Variants in GPC6 observed in about 807,000 individuals in gnomAD.
GPC6 encodes the protein glypican 6.
In GPC6, 14 loss-of-function variants were observed where a neutral mutation model predicts 55.2. That is an observed-to-expected ratio of 0.25 (90% CI 0.17 to 0.40). The LOEUF is 0.40. Among genes scored for constraint, GPC6 ranks in the 10% least tolerant of loss-of-function variants. The probability of loss-of-function intolerance (pLI) is 1.00; values close to 1 mark genes in which losing one functional copy is unlikely to be tolerated. For synonymous variants in GPC6, 278 were observed against 259.6 expected (o/e 1.07, Z -0.68); for missense variants, 641 against 708.5 (o/e 0.90, Z 1.08).
chr13:93,437,996 A>C (rs1197787755), intron 1 of GPC6, among the ~76,000 whole-genome samples: 1 of 152,208 alleles, frequency 6.6e-6, no homozygotes, highest in Admixed American at 6.5e-5. Context: ...AGGGCCATTA[A>C]GAATTATGAT....
chr13:93,931,807 G>T (rs373691951), intron 3 of GPC6, among the ~76,000 whole-genome samples: 3 of 149,808 alleles, frequency 2.0e-5, no homozygotes, highest in African/African-American at 2.4e-5. Flanking sequence ...GGCATTTAGA[G>T]TAAGCAGACA....
chr13:93,558,788 G>A (rs1171141111), intron 2 of GPC6, among the ~76,000 whole-genome samples: 2 of 152,176 alleles, frequency 1.3e-5, no homozygotes, highest in African/African-American at 4.8e-5. Context: ...ACACTGTGGG[G>A]TTTGTTGTGT....
Position 93,669,819 on chromosome 13 carries a change from A to T in GPC6, c.319+124398A>T, listed in dbSNP as rs150351664. On this transcript the variant is annotated intron_variant, in intron 2 of 8. Coordinates refer to ENST00000377047, the MANE Select transcript of GPC6 (RefSeq NM_005708.5). ...TCCAATCTGTTGAAATTAGAGTGGG[A>T]TTGAAAGCCTTAAGAAAAAAAAAAG... 5.8e-3 allele frequency among the ~76,000 whole-genome samples: 838 copies of T among 145,046 alleles called. 9 individuals carry two copies. Among genetic ancestry groups the T allele is most frequent in the African/African-American group, 0.019 (783 of 41,274 alleles).
chr13:93,995,650 C>A (rs1881511519), intron 3 of GPC6, among the ~76,000 whole-genome samples: 2 of 152,102 alleles, frequency 1.3e-5, no homozygotes, highest in South Asian at 4.1e-4. Flanking sequence ...GTATCAGAAA[C>A]TTATCAAATA....
chr13:93,340,183 C>A (rs1035659306), intron 1 of GPC6, among the ~76,000 whole-genome samples: 1 of 151,724 alleles, frequency 6.6e-6, no homozygotes, highest in South Asian at 2.1e-4. Flanking sequence ...TACAGGCGCC[C>A]GCCACCATGC....
chr13:93,587,130 G>A (rs887986369), intron 2 of GPC6, among the ~76,000 whole-genome samples: 2 of 151,986 alleles, frequency 1.3e-5, no homozygotes, highest in Non-Finnish European at 1.5e-5. Flanking sequence ...GCAATTTTGG[G>A]CAAGTCACTA....
At chr13:94,096,727 T>C (rs1186696587) in intron 4 of GPC6, among the ~76,000 whole-genome samples, 1 of 132,876 alleles carries the variant, frequency 7.5e-6, no homozygotes, top group Non-Finnish European at 1.8e-5. Context: ...TCTCTAGTTA[T>C]AGGCAAACAG....
intron 3 of GPC6, among the ~76,000 whole-genome samples, chr13:93,981,913 A>G (rs1453579678): frequency 1.3e-5 from 2 of 152,168 alleles, no homozygotes; most frequent in African/African-American, 4.8e-5. Context: ...TTATTCATCC[A>G]TGTGACCCAA....
chr13:94,378,683 G>T (rs1216088827), intron 6 of GPC6, among the ~76,000 whole-genome samples: 2 of 152,114 alleles, frequency 1.3e-5, no homozygotes, highest in Non-Finnish European at 2.9e-5. Context: ...TATATGTTTG[G>T]ATCAGTTTCC....
At chr13:93,821,029 AGGCAT>A (rs2084952430) in intron 2 of GPC6, among the ~76,000 whole-genome samples, 1 of 152,180 alleles carries the variant, frequency 6.6e-6, no homozygotes, top group African/African-American at 2.4e-5. Flanking sequence ...AAGAATTTAA[AGGCAT>A]GATATGTTTT....
At chr13:94,165,516 A>G (rs1434675781) in intron 4 of GPC6, among the ~76,000 whole-genome samples, 11 of 152,008 alleles carry the variant, frequency 7.2e-5, no homozygotes, top group Admixed American at 7.2e-4. Flanking sequence ...GGGGTGAGGG[A>G]TAAAAGACTA....
intron 1 of GPC6, among the ~76,000 whole-genome samples, chr13:93,394,599 G>A (rs1450342856): frequency 1.3e-5 from 2 of 152,092 alleles, no homozygotes; most frequent in Non-Finnish European, 2.9e-5. Flanking sequence ...AGTTGGTGAG[G>A]CTGATAGGTC....
At chr13:93,912,562 T>C (rs1877052140) in intron 3 of GPC6, among the ~76,000 whole-genome samples, 1 of 151,976 alleles carries the variant, frequency 6.6e-6, no homozygotes, top group Non-Finnish European at 1.5e-5. Flanking sequence ...GCTAACACGG[T>C]GAAACCCCAT....
intron 1 of GPC6, among the ~76,000 whole-genome samples, chr13:93,411,544 A>G (rs908398302): frequency 1.3e-5 from 2 of 152,194 alleles, no homozygotes; most frequent in Admixed American, 1.3e-4. Context: ...TTCTGTGGTT[A>G]TTACTATTAT....
intron 2 of GPC6, among the ~76,000 whole-genome samples, chr13:93,704,687 T>A (rs1053360235): frequency 6.6e-5 from 10 of 151,930 alleles, no homozygotes; most frequent in Admixed American, 3.3e-4. Context: ...AGAACCAAAG[T>A]GAGTCTGTTG....
intron 7 of GPC6, among the ~76,000 whole-genome samples, chr13:94,391,359 G>A (rs1406383263): frequency 1.3e-5 from 2 of 152,134 alleles, no homozygotes; most frequent in Non-Finnish European, 2.9e-5. Context: ...CTTGTCCATG[G>A]TCACACTGCG....
rs141617009 is a variant in GPC6 at position 94,033,411 on chromosome 13, A to G, written c.877+5517A>G. On this transcript the variant is annotated intron_variant, in intron 4 of 8. Transcript: ENST00000377047. ...TTCTTGGAACCTACAAGAGTTGTCA[A>G]TTCTCATGGTAATTTGTGCATTCGT... Among the ~76,000 whole-genome samples, 244 of 152,360 alleles carry G rather than the reference A, an allele frequency of 1.6e-3. 3 individuals are homozygous for G. The highest frequency in any genetic ancestry group is 5.7e-3 in the African/African-American group (239 of 41,584).
At chr13:94,065,716 C>G (rs1345944303) in intron 4 of GPC6, among the ~76,000 whole-genome samples, 1 of 152,172 alleles carries the variant, frequency 6.6e-6, no homozygotes, top group East Asian at 1.9e-4. Context: ...TACCAGGCCC[C>G]TAGCCTTGGG....
intron 3 of GPC6, among the ~76,000 whole-genome samples, chr13:93,842,481 T>C (rs1887988154): frequency 6.6e-6 from 1 of 152,028 alleles, no homozygotes; most frequent in Non-Finnish European, 1.5e-5. Context: ...TTTGTGCAGA[T>C]TTTTTTTCAG....
Sources: allele counts gnomAD v4.1 joint callset (sites outside exome capture counted in the v4.1 genomes callset), GRCh38; gene constraint gnomAD v4.1.1; transcripts MANE v1.5; gene names NCBI Gene and HGNC (gene_info 2026-07-23, HGNC 2026-07-21).